RIMS2: variants seen among roughly 807,000 people sequenced by gnomAD.
RIMS2 encodes regulating synaptic membrane exocytosis protein 2.
Under a neutral mutation model 174.4 loss-of-function variants are expected in RIMS2, and 59 were observed. The ratio of observed to expected loss-of-function variants is 0.34; its 90% confidence interval spans 0.27 to 0.42. The LOEUF is 0.42. RIMS2 is among the 10% of genes least tolerant of loss of function. The probability of loss-of-function intolerance (pLI) is 1.00; values close to 1 mark genes in which losing one functional copy is unlikely to be tolerated. For missense variants in RIMS2, 1,620 were observed against 1,666.3 expected (o/e 0.97, Z 0.48); for synonymous variants, 606 against 572.5 (o/e 1.06, Z -0.84).
At chr8:103,803,736 A>G (rs1360321619) in intron 3 of RIMS2, among the ~76,000 whole-genome samples, 1 of 152,170 alleles carries the variant, frequency 6.6e-6, no homozygotes, top group Non-Finnish European at 1.5e-5. Flanking sequence ...TTTAGAAGTA[A>G]ATAAACTGCC....
intron 19 of RIMS2, among the ~76,000 whole-genome samples, chr8:104,039,797 C>T (rs2096578673): frequency 6.6e-6 from 1 of 151,570 alleles, no homozygotes; most frequent in Non-Finnish European, 1.5e-5. Context: ...ATGATGGAAA[C>T]AAAAATATAG....
chr8:103,674,588 G>A (rs557064081), intron 1 of RIMS2, among the ~76,000 whole-genome samples: 2 of 151,508 alleles, frequency 1.3e-5, no homozygotes, highest in South Asian at 2.1e-4. Flanking sequence ...ATATTTTTAT[G>A]CCTTTACAAC....
chr8:103,911,529 T>C (rs2075668659), intron 5 of RIMS2, among the ~76,000 whole-genome samples: 1 of 152,198 alleles, frequency 6.6e-6, no homozygotes, highest in African/African-American at 2.4e-5. Context: ...TATTTTAATC[T>C]AGAAACCTAT....
chr8:103,589,550 C>T (rs1563909274), intron 1 of RIMS2, among the ~76,000 whole-genome samples: 1 of 151,468 alleles, frequency 6.6e-6, no homozygotes, highest in Non-Finnish European at 1.5e-5. Context: ...AACTGAGCCA[C>T]CATATGATAC....
At chr8:103,734,827 C>T (rs1564447545) in intron 2 of RIMS2, among the ~76,000 whole-genome samples, 1 of 151,976 alleles carries the variant, frequency 6.6e-6, no homozygotes. Flanking sequence ...CATGATCATC[C>T]CTTAGTGATA....
intron 19 of RIMS2, among the ~76,000 whole-genome samples, chr8:104,177,479 C>G (rs1252143792): frequency 6.6e-6 from 1 of 152,098 alleles, no homozygotes; most frequent in Non-Finnish European, 1.5e-5. Flanking sequence ...TGCCCAATTT[C>G]TAGCTTTTAC....
chr8:103,545,036 C>T (rs1438722421), intron 1 of RIMS2, among the ~76,000 whole-genome samples: 1 of 152,194 alleles, frequency 6.6e-6, no homozygotes, highest in Non-Finnish European at 1.5e-5. Flanking sequence ...GGTTCTTAAC[C>T]AGGCTTAAAT....
intron 1 of RIMS2, among the ~76,000 whole-genome samples, chr8:103,521,063 C>T (rs1831413484): frequency 1.4e-5 from 2 of 147,564 alleles, no homozygotes; most frequent in South Asian, 4.3e-4. Flanking sequence ...CGTGTTCTCA[C>T]TCATAGGTGG....
At chr8:103,754,996 G>C (rs149777671) in intron 2 of RIMS2, among the ~76,000 whole-genome samples, 2 of 152,118 alleles carry the variant, frequency 1.3e-5, no homozygotes, top group African/African-American at 2.4e-5. Flanking sequence ...TATTTTGCCC[G>C]TTAGTTTATG....
intron 1 of RIMS2, among the ~76,000 whole-genome samples, chr8:103,691,572 T>A (rs2097025536): frequency 1.3e-5 from 2 of 152,234 alleles, no homozygotes; most frequent in Admixed American, 1.3e-4. Context: ...TCTGATAGGA[T>A]TCTGAATTCC....
At chr8:104,206,294 G>A (rs1016752267) in intron 19 of RIMS2, among the ~76,000 whole-genome samples, 1 of 152,090 alleles carries the variant, frequency 6.6e-6, no homozygotes, top group Non-Finnish European at 1.5e-5. Context: ...ATTTTTGCAT[G>A]GTCTGAATTA....
chr8:103,788,492 C>G (rs569741076), intron 3 of RIMS2, among the ~76,000 whole-genome samples: 3,636 of 143,494 alleles, frequency 0.025, 3 homozygotes, highest in Non-Finnish European at 0.037. Context: ...TTCTAACAGA[C>G]AGGACCCTCA....
intron 19 of RIMS2, among the ~76,000 whole-genome samples, chr8:104,192,285 G>T (rs2099001813): frequency 1.3e-5 from 2 of 151,988 alleles, no homozygotes; most frequent in Admixed American, 1.3e-4. Context: ...AAACTGATAG[G>T]TAGAGTGCTA....
intron 1 of RIMS2, among the ~76,000 whole-genome samples, chr8:103,675,735 C>A (rs1426297): frequency 0.39 from 58,195 of 150,218 alleles, 11,572 homozygotes; most frequent in African/African-American, 0.45. Context: ...TTTTAAAACT[C>A]CTTTTTTTTT....
At chr8:103,735,902 A>C (rs2139109721) in intron 2 of RIMS2, among the ~76,000 whole-genome samples, 1 of 152,236 alleles carries the variant, frequency 6.6e-6, no homozygotes, top group African/African-American at 2.4e-5. Context: ...AAAGATATTG[A>C]GTTTTAAATA....
At chr8:103,694,928 G>A (rs978768692) in intron 1 of RIMS2, among the ~76,000 whole-genome samples, 2 of 152,036 alleles carry the variant, frequency 1.3e-5, no homozygotes, top group Admixed American at 1.3e-4. Context: ...ATTTGTTTTG[G>A]CACTGGAGTG....
intron 3 of RIMS2, among the ~76,000 whole-genome samples, chr8:103,834,676 TTTTCTTTCTTTCTTTC>T (rs71297240): frequency 0.076 from 9,079 of 119,892 alleles, 470 homozygotes; most frequent in East Asian, 0.15. Flanking sequence ...TCTGAGGTCT[TTTTCTTTCTTTCTTTC>T]TTTCTTTCTT....
At chr8:103,609,687 A>G (rs2095298342) in intron 1 of RIMS2, among the ~76,000 whole-genome samples, 1 of 151,814 alleles carries the variant, frequency 6.6e-6, no homozygotes, top group Admixed American at 6.5e-5. Context: ...TCTCTGTTCC[A>G]TTGGCCTATG....
intron 3 of RIMS2, among the ~76,000 whole-genome samples, chr8:103,803,595 G>T (rs377129536): frequency 2.0e-5 from 3 of 152,046 alleles, no homozygotes; most frequent in Non-Finnish European, 4.4e-5. Flanking sequence ...CCTTCCCTTG[G>T]GTATGTATAA....
Sources: allele counts gnomAD v4.1 joint callset (sites outside exome capture counted in the v4.1 genomes callset), GRCh38; gene constraint gnomAD v4.1.1; transcripts MANE v1.5; gene names NCBI Gene and HGNC (gene_info 2026-07-23, HGNC 2026-07-21).